Variants in OCA2 observed in about 807,000 individuals in gnomAD.
OCA2 encodes P protein.
OCA2 carries 77 observed loss-of-function variants against 100.2 expected under a neutral mutation model. The observed-to-expected ratio is 0.77, with a 90% CI of 0.64 to 0.93. The LOEUF is 0.93. Ranked by LOEUF, OCA2 falls within the 40% of genes least tolerant of loss-of-function variation. The pLI is 0.00. For missense variants in OCA2, 1,062 were observed against 1,089.1 expected (o/e 0.98, Z 0.35); for synonymous variants, 432 against 439.2 (o/e 0.98, Z 0.21).
intron 1 of OCA2, among the ~76,000 whole-genome samples, chr15:28,089,743 G>T (rs72714121): frequency 0.11 from 16,281 of 152,094 alleles, 1,049 homozygotes; most frequent in Admixed American, 0.19. Flanking sequence ...ACAGTATATG[G>T]GTTCACATGG....
At chr15:27,836,896 A>G (rs1021794795) in intron 23 of OCA2, among the ~76,000 whole-genome samples, 15 of 152,218 alleles carry the variant, frequency 9.9e-5, no homozygotes, top group African/African-American at 3.6e-4. Context: ...AAGCCTCACA[A>G]TAATTAGCTA....
At chr15:28,076,175 C>A (rs1220846752) in intron 2 of OCA2, among the ~76,000 whole-genome samples, 1 of 152,124 alleles carries the variant, frequency 6.6e-6, no homozygotes, top group Non-Finnish European at 1.5e-5. Context: ...CAGAAGGGAA[C>A]ACAGATAAAT....
intron 21 of OCA2, among the ~76,000 whole-genome samples, chr15:27,870,782 G>GAA (rs1277174149): frequency 1.9e-5 from 2 of 104,386 alleles, no homozygotes; most frequent in African/African-American, 8.0e-5. Context: ...AAGAAAGAAA[G>GAA]AAAGAAAAAG....
chr15:27,861,251 G>A (rs1387777467), intron 21 of OCA2, among the ~76,000 whole-genome samples: 1 of 152,132 alleles, frequency 6.6e-6, no homozygotes, highest in Admixed American at 6.5e-5. Context: ...CTGAGAGAAC[G>A]GAGTCACGAT....
chr15:28,021,517 C>T (rs2042592670), intron 6 of OCA2, among the ~76,000 whole-genome samples: 1 of 152,220 alleles, frequency 6.6e-6, no homozygotes, highest in South Asian at 2.1e-4. Context: ...GTAGACATTG[C>T]TCAAGGTCAA....
intron 23 of OCA2, among the ~76,000 whole-genome samples, chr15:27,842,338 T>C (rs993357956): frequency 6.6e-6 from 1 of 152,250 alleles, no homozygotes; most frequent in African/African-American, 2.4e-5. Flanking sequence ...AATTATAGGT[T>C]ACTTTTGTAT....
chr15:27,943,109 T>G (rs544798555), intron 18 of OCA2, among the ~76,000 whole-genome samples: 6 of 152,340 alleles, frequency 3.9e-5, no homozygotes, highest in African/African-American at 1.4e-4. Context: ...CTTTCATCTG[T>G]AACTTTGTAA....
rs1404087528 is a variant in OCA2 at position 28,032,127 on chromosome 15, C to G, written c.264G>C (p.Arg88Ser). Residue 88 changes from arginine (R) to serine (S), a missense_variant, in exon 3 of 24, where the codon AGG becomes AGC. Coordinates refer to ENST00000354638, the MANE Select transcript of OCA2 (RefSeq NM_000275.3). ...TTTCTGTAAAGCAGGAATCTTTAGA[C>G]CTGGAGCTGGACATCTGGGGCAAAG... is the stretch of plus-strand genomic sequence containing the variant. ...HSSLPQMSSS[R>S]SKDSCFTENT... 2 of 1,613,928 alleles carry G rather than the reference C, an allele frequency of 1.2e-6. No homozygotes were observed. The highest frequency in any genetic ancestry group is 1.7e-6 in the Non-Finnish European group (2 of 1,179,966).
chr15:27,866,603 C>T (rs150781026), intron 21 of OCA2, among the ~76,000 whole-genome samples: 2 of 152,328 alleles, frequency 1.3e-5, no homozygotes, highest in Non-Finnish European at 2.9e-5. Flanking sequence ...ACACAAACGG[C>T]TGGAATTCCC....
chr15:27,793,640 C>T (rs775241231), intron 23 of OCA2, among the ~76,000 whole-genome samples: 11 of 152,218 alleles, frequency 7.2e-5, no homozygotes, highest in South Asian at 2.1e-4. Flanking sequence ...ATCCCGCTCA[C>T]GTGCACATTT....
the OCA2 span, among the ~76,000 whole-genome samples, chr15:27,726,336 T>A: frequency 6.7e-6 from 1 of 148,374 alleles, no homozygotes; most frequent in Non-Finnish European, 1.5e-5. Flanking sequence ...AATAAATAAA[T>A]AAATAAAAAT....
At chr15:28,067,558 T>C (rs2141725392) in intron 2 of OCA2, among the ~76,000 whole-genome samples, 1 of 152,302 alleles carries the variant, frequency 6.6e-6, no homozygotes, top group South Asian at 2.1e-4. Flanking sequence ...TTTTAAATAA[T>C]CATTTTTTAT....
At chr15:27,753,334 T>G (rs1246836391), downstream of OCA2, among the ~76,000 whole-genome samples, 538 of 79,686 alleles carry the variant, frequency 6.8e-3, no homozygotes, top group African/African-American at 8.7e-3. Context: ...GAGAAGGGGG[T>G]GGGGGCAGAG....
At chr15:27,970,993 G>A (rs144188702) in intron 14 of OCA2, among the ~76,000 whole-genome samples, 1 of 150,828 alleles carries the variant, frequency 6.6e-6, no homozygotes, top group Non-Finnish European at 1.5e-5. Context: ...GTGGGAAAAC[G>A]TGAAAAATGC....
chr15:27,731,809 T>C, the OCA2 span, among the ~76,000 whole-genome samples: 1 of 152,190 alleles, frequency 6.6e-6, no homozygotes, highest in African/African-American at 2.4e-5. Flanking sequence ...TCTGAGGGCA[T>C]ATTTAAAGAT....
At chr15:27,851,952 C>T (rs1160590800) in intron 21 of OCA2, among the ~76,000 whole-genome samples, 1 of 152,188 alleles carries the variant, frequency 6.6e-6, no homozygotes, top group Non-Finnish European at 1.5e-5. Flanking sequence ...AACTCACACA[C>T]AGTCCCCTGA....
At chr15:27,766,374 G>A (rs1464739632) in intron 23 of OCA2, among the ~76,000 whole-genome samples, 1 of 152,130 alleles carries the variant, frequency 6.6e-6, no homozygotes, top group Non-Finnish European at 1.5e-5. Flanking sequence ...AAAAGAATGT[G>A]TGCTCAGAGT....
chr15:27,943,228 G>A (rs750672196), intron 18 of OCA2, among the ~76,000 whole-genome samples: 22 of 152,112 alleles, frequency 1.4e-4, no homozygotes, highest in Non-Finnish European at 2.6e-4. Context: ...GGGGTCAGCC[G>A]TGCCTCACTG....
intron 18 of OCA2, among the ~76,000 whole-genome samples, chr15:27,944,895 A>G (rs1296766153): frequency 6.6e-6 from 1 of 152,142 alleles, no homozygotes; most frequent in African/African-American, 2.4e-5. Flanking sequence ...AATCTGGTCT[A>G]CCTCAGCAGT....
Sources: gnomAD v4.1 joint callset for allele counts (sites outside exome capture counted in the v4.1 genomes callset) on GRCh38, gnomAD v4.1.1 for gene constraint, MANE v1.5 for transcripts, NCBI Gene and HGNC (gene_info 2026-07-23, HGNC 2026-07-21) for gene names.